The following CYP27B1 variants were observed in gnomAD, a reference collection of about 807,000 sequenced individuals.
The protein encoded by CYP27B1 is 25-hydroxyvitamin D-1 alpha hydroxylase, mitochondrial.
In CYP27B1, 46 loss-of-function variants were observed where a neutral mutation model predicts 54.8. The observed-to-expected ratio is 0.84, with a 90% CI of 0.66 to 1.07. The LOEUF (loss-of-function observed/expected upper bound fraction) is 1.07. Ranked by LOEUF, CYP27B1 falls within the 50% of genes least tolerant of loss-of-function variation. The probability of loss-of-function intolerance (pLI) is 0.00; values close to 1 mark genes in which losing one functional copy is unlikely to be tolerated. For missense variants in CYP27B1, 674 were observed against 692.2 expected (o/e 0.97, Z 0.30); for synonymous variants, 292 against 297.3 (o/e 0.98, Z 0.18).
intron 7 of CYP27B1, 81 bp downstream of exon 7, chr12:57,764,017 T>C: frequency 8.0e-7 from 1 of 1,256,612 alleles, no homozygotes; most frequent in Non-Finnish European, 1.2e-6. Context: ...GAAGGGCTTT[T>C]AGGAGAGTGT....
chr12:57,764,981 C>T (rs1358046610), intron 4 of CYP27B1, 30 bp downstream of exon 4: 5 of 1,613,972 alleles, frequency 3.1e-6, no homozygotes, highest in Non-Finnish European at 3.4e-6. Flanking sequence ...GCTTTACATT[C>T]CCCCATTTCC....
In CYP27B1 at chr12:57,766,966, C is replaced by G. The variant is rs748991170; in HGVS notation, c.76G>C (p.Gly26Arg). 6 of 1,614,060 alleles carry G rather than the reference C, an allele frequency of 3.7e-6. No individual in the cohort carries two copies. The Admixed American group carries it at 8.3e-5, about 22-fold the overall frequency. The change falls in exon 1 of 9, where the codon GGC becomes CGC. Residue 26 changes from glycine (G) to arginine (R), a missense_variant. Gly to Arg is a moderately radical substitution (Grantham distance 125). Transcript: ENST00000228606. ...RWAPELGASL[G>R]YREYHSARRS... ...CGTGCTGAGTGGTACTCTCGGTAGCCTAGGGAGGCGCCCAACTCGGGCGCC... is the reference window on the plus strand; with the variant it reads ...CGTGCTGAGTGGTACTCTCGGTAGCGTAGGGAGGCGCCCAACTCGGGCGCC...
At chr12:57,766,792 G>T (rs1055431797) in intron 1 of CYP27B1, 55 bp downstream of exon 1, 2 of 1,578,330 alleles carry the variant, frequency 1.3e-6, no homozygotes, top group Non-Finnish European at 1.7e-6. Flanking sequence ...CCTTTCTGAC[G>T]CTGTCAAAAC....
rs760233049 is a variant in CYP27B1 at position 57,766,032 on chromosome 12, G to A, written c.361C>T (p.Gln121Ter). Residue 121 changes from glutamine (Q) to a stop codon, truncating the protein, a stop_gained, in exon 2 of 9, where the codon CAG becomes TAG. Transcript: ENST00000228606. LOFTEE classifies it high-confidence loss of function. ...SPWTEHRRCR[Q>*]RACGLLTAEG... ...GCAGTGAGCAGTCCGCAAGCCCGCT[G>A]GCGGCAGCGGCGGTGCTCCGTCCAG... is the stretch of plus-strand genomic sequence containing the variant. The A allele has an allele frequency of 1.9e-6, 3 of 1,568,958 alleles. No homozygotes were observed. In the Admixed American group the frequency reaches 5.5e-5, roughly 29 times the overall value.
Position 57,765,925 on chromosome 12 carries a change from C to A in CYP27B1, c.386+82G>T. 2.1e-6 allele frequency: 3 copies of A among 1,461,000 alleles called. No individual in the cohort carries two copies. Among genetic ancestry groups the A allele is most frequent in the Non-Finnish European group, 2.7e-6 (3 of 1,109,856 alleles). The allele number at this position is 1,461,000 out of a possible 1,614,324, so 90.5% of individuals were successfully genotyped here. ...TGGGACAGCCGACCTCCCACCATGC[C>A]CCCAGATTGATAGTTTCGGGACCCG... is the stretch of plus-strand genomic sequence containing the variant. On this transcript the variant is annotated intron_variant, in intron 2 of 8. Coordinates refer to ENST00000228606, the MANE Select transcript of CYP27B1 (RefSeq NM_000785.4). The surrounding 1 kb of genome is among the most constrained non-coding windows in gnomAD (Gnocchi z 5.8).
Position 57,763,249 on chromosome 12 carries a change from T to C in CYP27B1, c.1420A>G (p.Thr474Ala). Residue 474 changes from threonine (T) to alanine (A), a missense_variant, in exon 9 of 9, where the codon ACA becomes GCA. Thr to Ala is a moderately conservative substitution (Grantham distance 58). Transcript: ENST00000228606. ...GGCTCAGGCTGCACCTCAAAATGTG[T>C]TAGGATCTGGAAAGGGAAGAAGGTG... is the stretch of plus-strand genomic sequence containing the variant. The part of the protein sequence containing the change: ...ELQMALAQIL[T>A]HFEVQPEPGA... The C allele has an allele frequency of 6.2e-7, 1 of 1,612,608 alleles. No individual in the cohort carries two copies. The highest frequency in any genetic ancestry group is 8.5e-7 in the Non-Finnish European group (1 of 1,178,722).
intron 8 of CYP27B1, 78 bp downstream of exon 8, chr12:57,763,533 G>T: frequency 1.6e-6 from 2 of 1,281,706 alleles, no homozygotes; most frequent in Non-Finnish European, 2.3e-6. Context: ...TCCTATGCTT[G>T]TCAGGGGAAA....
Position 57,764,542 on chromosome 12 carries a change from G to GT in CYP27B1, c.971dup (p.Asn324LysfsTer9). 6.2e-7 allele frequency: 1 copy of GT among 1,614,110 alleles called. No individual in the cohort carries two copies. Among genetic ancestry groups the GT allele is most frequent in the Non-Finnish European group, 8.5e-7 (1 of 1,180,036 alleles). On this transcript the variant is annotated frameshift_variant, in exon 6 of 9. Transcript: ENST00000228606. LOFTEE classifies it high-confidence loss of function. The stretch of plus-strand genomic sequence containing the variant: ...GCTCATACAGAGCCCAAGAGAGCGT[G>GT]TTGGACACCTGAAAAACATGTGAAA...
At position 57,764,502 on chromosome 12, in the gene CYP27B1, C is replaced by T. The variant is rs777588673; in HGVS notation, c.1012G>A (p.Glu338Lys). ...TCTGAGTGGAGTGCTGTCTGGACTT[C>T]GGGGTGCCGGGAGAGCTCATACAGA... ...WALYELSRHP[E>K]VQTALHSEIT... The change falls in exon 6 of 9, where the codon GAA becomes AAA. Residue 338 changes from glutamate to lysine, a missense_variant. Transcript: ENST00000228606. 5.0e-6 allele frequency: 8 copies of T among 1,613,982 alleles called. No homozygotes were observed. In the African/African-American group the frequency reaches 6.7e-5, roughly 13 times the overall value.
chr12:57,764,715 G>A (rs1955344191), intron 5 of CYP27B1, 39 bp downstream of exon 5: 1 of 1,613,114 alleles, frequency 6.2e-7, no homozygotes, highest in Non-Finnish European at 8.5e-7. Flanking sequence ...CGGAGGCTAA[G>A]CCCTGGAACC....
chr12:57,766,586 G>T, intron 1 of CYP27B1: 1 of 582,560 alleles, frequency 1.7e-6, no homozygotes, highest in Non-Finnish European at 3.1e-6. Context: ...TCCCCCTCCC[G>T]CGCACTTGTA....
chr12:57,763,711 G>A lies in CYP27B1; in HGVS notation c.1313C>T (p.Pro438Leu), dbSNP rs866796725. Residue 438 changes from proline (P) to leucine (L), a missense_variant, in exon 8 of 9, where the codon CCC (proline) becomes CTC (leucine). Coordinates refer to ENST00000228606, the MANE Select transcript of CYP27B1 (RefSeq NM_000785.4). ...AAGAGATGCAAATGGGTGGGGGGTGGGACCCTCCCCCAGCCAGCGAGCTGG... is the reference window on the plus strand; with the variant it reads ...AAGAGATGCAAATGGGTGGGGGGTGAGACCCTCCCCCAGCCAGCGAGCTGG... ...FRPARWLGEG[P>L]TPHPFASLPF... The A allele has an allele frequency of 6.6e-7, 1 of 1,523,002 alleles. No individual in the cohort carries two copies. Among genetic ancestry groups the A allele is most frequent in the Non-Finnish European group, 9.1e-7 (1 of 1,096,876 alleles). 94.3% of individuals were successfully genotyped at this position (1,523,002 alleles called of 1,614,324 possible). A position where few individuals can be genotyped will look rare whatever the true frequency, so the allele number is the denominator to read the frequency against.
At position 57,766,828 on chromosome 12, in the gene CYP27B1, GA is replaced by G; in HGVS notation, c.195+18del. On this transcript the variant is annotated intron_variant, in intron 1 of 8. Coordinates refer to ENST00000228606, the MANE Select transcript of CYP27B1 (RefSeq NM_000785.4). ...CAGTTTCCCCAGCACTCTGTCTCGG[GA>G]AAGGCGTCCCTTCCTACCTGCAGCT... The G allele has an allele frequency of 6.2e-7, 1 of 1,613,862 alleles. No homozygotes were observed. The highest frequency in any genetic ancestry group is 8.5e-7 in the Non-Finnish European group (1 of 1,179,784).
rs1335127252 is a variant in CYP27B1 at position 57,762,828 on chromosome 12, G to C, written c.*314C>G. The stretch of plus-strand genomic sequence containing the variant: ...AATGAACACTATGAAAGCCCAAAAA[G>C]AGAGGCAGTTGAATCTTTCCTCAGG... On this transcript the variant is annotated 3_prime_UTR_variant, in exon 9 of 9. Transcript: ENST00000228606. 2.1e-5 allele frequency: 8 copies of C among 378,938 alleles called. No homozygotes were observed. Among genetic ancestry groups the C allele is most frequent in the East Asian group, 1.9e-4 (3 of 15,660 alleles). 23.5% of individuals were successfully genotyped at this position (378,938 alleles called of 1,614,324 possible). A position where few individuals can be genotyped will look rare whatever the true frequency, so the allele number is the denominator to read the frequency against.
Position 57,766,912 on chromosome 12 carries a change from A to G in CYP27B1, c.130T>C (p.Ser44Pro), listed in dbSNP as rs752594802. The G allele has an allele frequency of 2.5e-6, 4 of 1,614,090 alleles. No individual in the cohort carries two copies. The highest frequency in any genetic ancestry group is 3.4e-6 in the Non-Finnish European group (4 of 1,180,006). The change falls in exon 1 of 9, where the codon TCT (serine) becomes CCT (proline). Residue 44 changes from serine to proline, a missense_variant. Transcript: ENST00000228606. ...RRSLADIPGP[S>P]TPSFLAELFC... ...AGTTCGGCCAGAAAGCTGGGCGTAG[A>G]GGGGCCTGGGATGTCTGCCAAGCTC...
In CYP27B1 at chr12:57,762,644, C is replaced by T. The variant is rs1225786159; in HGVS notation, c.*498G>A. 1 of 229,426 alleles carries T rather than the reference C, an allele frequency of 4.4e-6. No homozygotes were observed. The highest frequency in any genetic ancestry group is 5.1e-5 in the Admixed American group (1 of 19,532). The allele number at this position is 229,426 out of a possible 1,614,324, so 14.2% of individuals were successfully genotyped here. A position where few individuals can be genotyped will look rare whatever the true frequency, so the allele number is the denominator to read the frequency against. ...CAATCTAAGAATGTGTATGGTGACA[C>T]CTAGTCAGAGACAGGCCCTGGCAGG... On this transcript the variant is annotated 3_prime_UTR_variant, in exon 9 of 9. Coordinates refer to ENST00000228606, the MANE Select transcript of CYP27B1 (RefSeq NM_000785.4).
Position 57,765,696 on chromosome 12 carries a change from G to A in CYP27B1, c.387-197C>T. On this transcript the variant is annotated intron_variant, in intron 2 of 8. Transcript: ENST00000228606. The surrounding 1 kb of genome is among the most constrained non-coding windows in gnomAD (Gnocchi z 5.8). ...TACTCATTTCCTGCCCTCAGGGGCC[G>A]GGGTTCCCGGGTAACTTGAGTCACA... 1 of 839,294 alleles carries A rather than the reference G, an allele frequency of 1.2e-6. No homozygotes were observed. The highest frequency in any genetic ancestry group is 2.0e-5 in the Admixed American group (1 of 49,062). The allele number at this position is 839,294 out of a possible 1,614,324, so 52.0% of individuals were successfully genotyped here.
In CYP27B1 at chr12:57,763,164, T is replaced by C. The variant is rs201629800; in HGVS notation, c.1505A>G (p.Asn502Ser). ...GGACTATCTGTCCAAAAACTGTAGG[T>C]TGATGCTCCTTTCAGGTACCAGGAC... ...RTVLVPERSI[N>S]LQFLDR Residue 502 changes from asparagine (N) to serine (S), a missense_variant, in exon 9 of 9, where the codon AAC becomes AGC. Coordinates refer to ENST00000228606, the MANE Select transcript of CYP27B1 (RefSeq NM_000785.4). 904 of 1,613,728 alleles carry C rather than the reference T, an allele frequency of 5.6e-4. No individual in the cohort carries two copies. The highest frequency in any genetic ancestry group is 7.2e-4 in the Non-Finnish European group (852 of 1,179,710).
rs1161799032 is a variant in CYP27B1 at position 57,763,179 on chromosome 12, G to C, written c.1490C>G (p.Pro497Arg). ...VRPKTRTVLV[P>R]ERSINLQFLD... The stretch of plus-strand genomic sequence containing the variant: ...AAACTGTAGGTTGATGCTCCTTTCA[G>C]GTACCAGGACAGTCCGGGTCTTGGG... The change falls in exon 9 of 9, where the codon CCT (proline) becomes CGT (arginine). Residue 497 changes from proline to arginine, a missense_variant. Transcript: ENST00000228606. 6.8e-6 allele frequency: 11 copies of C among 1,614,054 alleles called. No homozygotes were observed. Among genetic ancestry groups the C allele is most frequent in the Non-Finnish European group, 3.4e-6 (4 of 1,179,894 alleles).
Sources: gnomAD v4.1 joint callset for allele counts on GRCh38, gnomAD v4.1.1 for gene constraint, Gnocchi (gnomAD v3.1) non-coding constraint, MANE v1.5 for transcripts, NCBI Gene and HGNC (gene_info 2026-07-23, HGNC 2026-07-21) for gene names.